The following XPNPEP3 variants were observed in gnomAD, a reference collection of about 807,000 sequenced individuals.
XPNPEP3 encodes the protein xaa-Pro aminopeptidase 3.
In XPNPEP3, 41 loss-of-function variants were observed where a neutral mutation model predicts 60.0. The ratio of observed to expected loss-of-function variants is 0.68; its 90% CI spans 0.53 to 0.89. XPNPEP3 has a LOEUF of 0.89. XPNPEP3 is among the 40% of genes least tolerant of loss of function. The pLI is 0.00. For missense variants in XPNPEP3, 598 were observed against 638.9 expected, an observed-to-expected ratio of 0.94 and a Z score of 0.69; for synonymous variants, 212 against 223.2, an observed-to-expected ratio of 0.95 and a Z score of 0.45.
In XPNPEP3 at chr22:40,924,142, G is replaced by A. The variant is rs144011235; in HGVS notation, c.1237-220G>A. 0.016 allele frequency among the ~76,000 whole-genome samples: 2,469 copies of A among 152,184 alleles called. 67 individuals are homozygous for A. Among genetic ancestry groups the A allele is most frequent in the African/African-American group, 0.057 (2,379 of 41,516 alleles). The stretch of plus-strand genomic sequence containing the variant: ...GCATGTATGTAGTATATTAAATAGC[G>A]GGAATGGAAATGTGGATTGATGAGA... On this transcript the variant is annotated intron_variant, in intron 8 of 9. Transcript: ENST00000357137.
chr22:40,880,919 A>G lies in XPNPEP3; in HGVS notation c.182-851A>G, dbSNP rs1314357647. On this transcript the variant is annotated intron_variant, in intron 2 of 9. Transcript: ENST00000357137. ...ATTAGGAGTTGCCAGGGGCTGGAGG[A>G]TTGTGAGAAAATGGGGAGTAACTGC... Among the ~76,000 whole-genome samples, 4 of 152,054 alleles carry G rather than the reference A, an allele frequency of 2.6e-5. 1 individual carries two copies. Among genetic ancestry groups the G allele is most frequent in the Non-Finnish European group, 5.9e-5 (4 of 68,022 alleles).
chr22:40,861,901 G>A (rs2057951446), intron 1 of XPNPEP3: 2 of 1,613,426 alleles, frequency 1.2e-6, no homozygotes, highest in East Asian at 2.2e-5. Context: ...TTTTTATCAG[G>A]GTGCCATTTA....
chr22:40,861,069 C>G lies in XPNPEP3; in HGVS notation c.64+3824C>G. ...TTATATATTTGAAGAGTCAATTTAA[C>G]AATTCCTTTTGGTAGACTTCTTTTG... On this transcript the variant is annotated intron_variant, in intron 1 of 9. Transcript: ENST00000357137. 1.3e-6 allele frequency: 2 copies of G among 1,579,308 alleles called. No individual in the cohort carries two copies. Among genetic ancestry groups the G allele is most frequent in the East Asian group, 2.2e-5 (1 of 44,626 alleles).
chr22:40,876,625 A>C (rs2058028458), intron 2 of XPNPEP3, among the ~76,000 whole-genome samples: 1 of 152,130 alleles, frequency 6.6e-6, no homozygotes, highest in Non-Finnish European at 1.5e-5. Flanking sequence ...CAACCACAAA[A>C]CAGTGCATAA....
rs954155484 is a variant in XPNPEP3, at chr22:40,881,934, C to T, written c.346C>T (p.His116Tyr). 13 of 1,614,044 alleles carry T rather than the reference C, an allele frequency of 8.1e-6. No homozygotes were observed. Among genetic ancestry groups the T allele is most frequent in the Non-Finnish European group, 1.1e-5 (13 of 1,180,040 alleles). ...GAGCAACGATATTCCCTATACTTTC[C>T]ACCAAGACAACAATTTCCTGTACCT... ...YMSNDIPYTF[H>Y]QDNNFLYLCG... The change falls in exon 3 of 10, where the codon CAC becomes TAC. Residue 116 changes from histidine to tyrosine, a missense_variant. By Grantham distance (83) the His-to-Tyr change is moderately conservative. Transcript: ENST00000357137.
chr22:40,882,969 G>A (rs1013384730), intron 3 of XPNPEP3, among the ~76,000 whole-genome samples: 1 of 152,092 alleles, frequency 6.6e-6, no homozygotes, highest in Non-Finnish European at 1.5e-5. Flanking sequence ...TACGTCTGTA[G>A]TCCAGCTACT....
intron 4 of XPNPEP3, among the ~76,000 whole-genome samples, chr22:40,893,952 T>C (rs1014163994): frequency 3.9e-5 from 6 of 152,352 alleles, no homozygotes; most frequent in African/African-American, 1.4e-4. Flanking sequence ...AGGACATATG[T>C]CACTCCTGGA....
chr22:40,858,522 C>CTTTTT (rs34319696), intron 1 of XPNPEP3, among the ~76,000 whole-genome samples: 34 of 85,508 alleles, frequency 4.0e-4, no homozygotes, highest in Non-Finnish European at 5.1e-4. Flanking sequence ...GCTGGAGAAG[C>CTTTTT]TTTTTTTTTT....
chr22:40,869,954 C>T (rs1569015844), intron 2 of XPNPEP3: 2 of 441,866 alleles, frequency 4.5e-6, no homozygotes, highest in Non-Finnish European at 9.4e-6. Flanking sequence ...GGAAATTTAC[C>T]TTTAGAAATA....
intron 4 of XPNPEP3, among the ~76,000 whole-genome samples, chr22:40,898,524 A>T (rs1402582206): frequency 6.6e-6 from 1 of 151,464 alleles, no homozygotes; most frequent in Non-Finnish European, 1.5e-5. Flanking sequence ...AAGTGCTGGG[A>T]TTACAGGCGT....
At chr22:40,906,638 T>C (rs906160075) in intron 4 of XPNPEP3, among the ~76,000 whole-genome samples, 3 of 152,306 alleles carry the variant, frequency 2.0e-5, no homozygotes, top group East Asian at 3.9e-4. Flanking sequence ...CAAATGTCAG[T>C]AGTACTGAGG....
Position 40,859,030 on chromosome 22 carries a change from A to G in XPNPEP3, c.64+1785A>G, listed in dbSNP as rs189297331. 4.4e-3 allele frequency among the ~76,000 whole-genome samples: 669 copies of G among 152,314 alleles called. 3 individuals carry two copies. The highest frequency in any genetic ancestry group is 0.015 in the African/African-American group (626 of 41,558). ...CTCAGCTTCTCAAAGTGTTGCGATT[A>G]TAAGTGTGAGCCACTGCACCCAGCC... On this transcript the variant is annotated intron_variant, in intron 1 of 9. Coordinates refer to ENST00000357137, the MANE Select transcript of XPNPEP3 (RefSeq NM_022098.4).
chr22:40,865,350 T>C (rs2057973224), intron 1 of XPNPEP3, among the ~76,000 whole-genome samples: 1 of 140,920 alleles, frequency 7.1e-6, no homozygotes, highest in African/African-American at 2.7e-5. Context: ...TTTTTTGAGA[T>C]GGAGTTTCAC....
At chr22:40,907,499 C>T (rs1351115545) in intron 4 of XPNPEP3, 88 bp from the exon 5 acceptor site, 1 of 1,345,008 alleles carries the variant, frequency 7.4e-7, no homozygotes, top group African/African-American at 1.4e-5. Context: ...GGAAAAGGTG[C>T]TTTTCATTTG....
chr22:40,903,557 C>T (rs1213813777), intron 4 of XPNPEP3, among the ~76,000 whole-genome samples: 1 of 151,262 alleles, frequency 6.6e-6, no homozygotes, highest in African/African-American at 2.4e-5. Context: ...GTGGTGCGAT[C>T]TAGGCTCACT....
rs2058058977 is a variant in XPNPEP3 at position 40,884,149 on chromosome 22, A to G, written c.589+1972A>G. Reference sequence around the variant, plus strand: ...ATTTTATAGATAATTAGCCTGTTCAATTCATTGAACTTTCTTATGTCTTCA... The same window carrying G: ...ATTTTATAGATAATTAGCCTGTTCAGTTCATTGAACTTTCTTATGTCTTCA... On this transcript the variant is annotated intron_variant, in intron 3 of 9. Coordinates refer to ENST00000357137, the MANE Select transcript of XPNPEP3 (RefSeq NM_022098.4). Among the ~76,000 whole-genome samples, 4 of 152,238 alleles carry G rather than the reference A, an allele frequency of 2.6e-5. No homozygotes were observed. In the South Asian group the frequency reaches 8.3e-4, roughly 32 times the overall value.
intron 1 of XPNPEP3, among the ~76,000 whole-genome samples, chr22:40,864,894 C>A (rs562466586): frequency 6.6e-6 from 1 of 152,172 alleles, no homozygotes; most frequent in Non-Finnish European, 1.5e-5. Context: ...TTTTACCAAA[C>A]CCCTACTGAA....
Position 40,903,876 on chromosome 22 carries a change from A to T in XPNPEP3, c.793-3711A>T, listed in dbSNP as rs1465410341. On this transcript the variant is annotated intron_variant, in intron 4 of 9. Transcript: ENST00000357137. The stretch of plus-strand genomic sequence containing the variant: ...CCCTCCCCCCATCTCTCTCTCTGTC[A>T]CACACACACACACACACACACACAC... 2.0e-3 allele frequency among the ~76,000 whole-genome samples: 13 copies of T among 6,542 alleles called. No homozygotes were observed. The South Asian group carries it at 0.098, about 49-fold the overall frequency. 4.3% of individuals were successfully genotyped at this position (6,542 alleles called of 152,430 possible).
At chr22:40,881,703 A>G in intron 2 of XPNPEP3, 67 bp from the exon 3 acceptor site, 3 of 1,569,300 alleles carry the variant, frequency 1.9e-6, no homozygotes, top group East Asian at 2.2e-5. Flanking sequence ...TCCATCTAAT[A>G]TTAAACTACC....
Sources: gnomAD v4.1 joint callset for allele counts (sites outside exome capture counted in the v4.1 genomes callset) on GRCh38, gnomAD v4.1.1 for gene constraint, MANE v1.5 for transcripts, NCBI Gene and HGNC (gene_info 2026-07-23, HGNC 2026-07-21) for gene names.